Variants in MARCHF1 observed in about 807,000 individuals in gnomAD.
MARCHF1 encodes membrane associated ring-CH-type finger 1.
In MARCHF1, 40 loss-of-function variants were observed where a neutral mutation model predicts 54.2. That is an observed-to-expected ratio of 0.74 (90% CI 0.57 to 0.96). The LOEUF is 0.96. Ranked by LOEUF, MARCHF1 falls within the 40% of genes least tolerant of loss-of-function variation. The pLI, the probability that MARCHF1 is intolerant of heterozygous loss-of-function variation, is 0.00. For synonymous variants in MARCHF1, 236 were observed against 236.3 expected (o/e 1.00, Z 0.01); for missense variants, 586 against 656.5 (o/e 0.89, Z 1.17).
chr4:164,143,662 C>G (rs1415273355), intron 1 of MARCHF1, among the ~76,000 whole-genome samples: 1 of 152,118 alleles, frequency 6.6e-6, no homozygotes, highest in Non-Finnish European at 1.5e-5. Context: ...TAAAAGAGCT[C>G]CTGAAAGAAG....
At chr4:163,848,671 G>C (rs997489682) in intron 4 of MARCHF1, among the ~76,000 whole-genome samples, 2 of 152,216 alleles carry the variant, frequency 1.3e-5, no homozygotes, top group African/African-American at 4.8e-5. Context: ...AAATTTAAAA[G>C]AGAGGTTTCT....
chr4:163,736,447 T>C (rs1031465271), intron 4 of MARCHF1, among the ~76,000 whole-genome samples: 3 of 149,814 alleles, frequency 2.0e-5, no homozygotes, highest in Admixed American at 6.8e-5. Flanking sequence ...TTAAAACTTA[T>C]ACATTGTTTA....
chr4:163,682,718 T>C (rs1437505629), intron 5 of MARCHF1, among the ~76,000 whole-genome samples: 1 of 152,198 alleles, frequency 6.6e-6, no homozygotes, highest in Non-Finnish European at 1.5e-5. Context: ...TCATGACATC[T>C]GATTGTTTTA....
intron 2 of MARCHF1, among the ~76,000 whole-genome samples, chr4:164,056,844 C>T (rs530635388): frequency 5.9e-5 from 9 of 152,260 alleles, no homozygotes; most frequent in East Asian, 5.8e-4. Flanking sequence ...GTGGATCACA[C>T]GTGACCCTGT....
chr4:163,764,952 A>G (rs1198351592), intron 4 of MARCHF1, among the ~76,000 whole-genome samples: 1 of 152,114 alleles, frequency 6.6e-6, no homozygotes, highest in Non-Finnish European at 1.5e-5. Flanking sequence ...AACAAAATAA[A>G]TATTCAGGCT....
intron 5 of MARCHF1, among the ~76,000 whole-genome samples, chr4:163,635,516 C>A (rs1742282999): frequency 1.4e-5 from 2 of 144,438 alleles, no homozygotes; most frequent in African/African-American, 5.2e-5. Flanking sequence ...AATTCCTTGA[C>A]ACATATACTC....
At chr4:164,067,396 TG>T (rs1033777093) in intron 2 of MARCHF1, among the ~76,000 whole-genome samples, 4 of 151,956 alleles carry the variant, frequency 2.6e-5, no homozygotes, top group African/African-American at 9.7e-5. Flanking sequence ...TGTAGACCAA[TG>T]GAACAGAATA....
intron 7 of MARCHF1, among the ~76,000 whole-genome samples, chr4:163,589,069 T>TG (rs1740500650): frequency 9.7e-6 from 1 of 103,026 alleles, no homozygotes; most frequent in Non-Finnish European, 1.9e-5. Flanking sequence ...ATGTCTTATT[T>TG]GAAAAAAAAA....
At chr4:163,928,864 T>C (rs1423073666) in intron 3 of MARCHF1, among the ~76,000 whole-genome samples, 3 of 151,896 alleles carry the variant, frequency 2.0e-5, no homozygotes, top group East Asian at 1.9e-4. Context: ...TTTCTTAATA[T>C]AACTTTTGAA....
At chr4:163,653,591 T>C (rs753864341) in intron 5 of MARCHF1, among the ~76,000 whole-genome samples, 2 of 151,696 alleles carry the variant, frequency 1.3e-5, no homozygotes, top group Middle Eastern at 3.4e-3. Flanking sequence ...GGACATATGC[T>C]GAAGGACAAG....
intron 1 of MARCHF1, among the ~76,000 whole-genome samples, chr4:164,290,160 C>A (rs902607162): frequency 6.6e-6 from 1 of 151,862 alleles, no homozygotes; most frequent in African/African-American, 2.4e-5. Flanking sequence ...TAGAAATGTA[C>A]TCTTTCCAGT....
chr4:164,080,310 T>C (rs1755069043), intron 2 of MARCHF1, among the ~76,000 whole-genome samples: 1 of 152,222 alleles, frequency 6.6e-6, no homozygotes, highest in South Asian at 2.1e-4. Flanking sequence ...TAAGCCCTGC[T>C]CAAGATGCAA....
intron 1 of MARCHF1, chr4:164,190,309 G>A: frequency 1.4e-6 from 1 of 707,314 alleles, no homozygotes; most frequent in Non-Finnish European, 2.5e-6. Flanking sequence ...GCCACGAAGA[G>A]GATACGGCAG....
chr4:163,659,121 C>T (rs1743254779), intron 5 of MARCHF1, among the ~76,000 whole-genome samples: 1 of 151,912 alleles, frequency 6.6e-6, no homozygotes, highest in African/African-American at 2.4e-5. Context: ...TCTTGTTCTG[C>T]TCTTCCTCAT....
chr4:164,358,293 G>A (rs534604800), intron 1 of MARCHF1, among the ~76,000 whole-genome samples: 1 of 152,210 alleles, frequency 6.6e-6, no homozygotes, highest in East Asian at 1.9e-4. Context: ...GGTCATAAAG[G>A]GGAAGCCTTG....
At chr4:163,718,035 A>G (rs193296222) in intron 4 of MARCHF1, among the ~76,000 whole-genome samples, 6 of 152,330 alleles carry the variant, frequency 3.9e-5, no homozygotes, top group Non-Finnish European at 7.4e-5. Flanking sequence ...AAACCTGACA[A>G]AAACAAGAAA....
At chr4:164,022,458 G>A (rs1421080194) in intron 2 of MARCHF1, among the ~76,000 whole-genome samples, 1 of 152,158 alleles carries the variant, frequency 6.6e-6, no homozygotes, top group Non-Finnish European at 1.5e-5. Flanking sequence ...AACCACATGT[G>A]GGGTACACAA....
intron 5 of MARCHF1, among the ~76,000 whole-genome samples, chr4:163,659,597 A>G (rs188925434): frequency 4.6e-5 from 7 of 152,268 alleles, no homozygotes; most frequent in Non-Finnish European, 8.8e-5. Flanking sequence ...AAAGGAAACT[A>G]TCATGAGACT....
chr4:163,631,384 G>A (rs1268754091), intron 5 of MARCHF1, among the ~76,000 whole-genome samples: 1 of 152,104 alleles, frequency 6.6e-6, no homozygotes. Context: ...GTAGAGATGG[G>A]CTTTCACCGT....
Sources: gnomAD v4.1 joint callset for allele counts (sites outside exome capture counted in the v4.1 genomes callset) on GRCh38, gnomAD v4.1.1 for gene constraint, MANE v1.5 for transcripts, NCBI Gene and HGNC (gene_info 2026-07-23, HGNC 2026-07-21) for gene names.